The following PIK3CB variants were observed in gnomAD, a reference collection of about 807,000 sequenced individuals.
PIK3CB encodes the protein phosphatidylinositol 4,5-bisphosphate 3-kinase catalytic subunit beta isoform.
In PIK3CB, 39 loss-of-function variants were observed where a neutral mutation model predicts 136.8. The ratio of observed to expected loss-of-function variants is 0.29; its 90% CI spans 0.22 to 0.37. PIK3CB has a LOEUF of 0.37. PIK3CB is among the 10% of genes least tolerant of loss of function. The pLI, the probability that PIK3CB is intolerant of heterozygous loss-of-function variation, is 1.00. For synonymous variants in PIK3CB, 428 were observed against 436.6 expected (o/e 0.98, Z 0.25); for missense variants, 868 against 1,275.4 (o/e 0.68, Z 4.87).
intron 1 of PIK3CB, among the ~76,000 whole-genome samples, chr3:138,814,756 T>A (rs1480842350): frequency 6.6e-6 from 1 of 151,944 alleles, no homozygotes; most frequent in Non-Finnish European, 1.5e-5. Flanking sequence ...AATCCCAGCA[T>A]TTTGGGAGGC....
chr3:138,738,553 G>A (rs574820021), intron 5 of PIK3CB, among the ~76,000 whole-genome samples: 63 of 111,022 alleles, frequency 5.7e-4, no homozygotes, highest in Non-Finnish European at 1.0e-3. Context: ...TACTTTATAC[G>A]AATTAAACCA....
At chr3:138,811,432 CTTTT>C (rs1209224609) in intron 1 of PIK3CB, among the ~76,000 whole-genome samples, 1 of 141,652 alleles carries the variant, frequency 7.1e-6, no homozygotes, top group Non-Finnish European at 1.5e-5. Context: ...AGAAAATTAC[CTTTT>C]TTTTTTTTTG....
chr3:138,825,657 A>T (rs1274816267), intron 1 of PIK3CB: 1 of 641,648 alleles, frequency 1.6e-6, no homozygotes, highest in Non-Finnish European at 2.9e-6. Context: ...TCCTACCACT[A>T]ACTCATCCAA....
At chr3:138,792,156 T>C (rs952263539) in intron 2 of PIK3CB, among the ~76,000 whole-genome samples, 3 of 151,950 alleles carry the variant, frequency 2.0e-5, no homozygotes, top group Admixed American at 1.3e-4. Flanking sequence ...GATCGCGCCA[T>C]TGCACTCCAG....
At chr3:138,693,246 T>C (rs994958921) in intron 14 of PIK3CB, among the ~76,000 whole-genome samples, 3 of 151,598 alleles carry the variant, frequency 2.0e-5, no homozygotes, top group Non-Finnish European at 4.4e-5. Context: ...GGTGCGCACC[T>C]CCACGCCCAG....
At chr3:138,684,422 T>C (rs1004661181) in intron 17 of PIK3CB, among the ~76,000 whole-genome samples, 1 of 152,258 alleles carries the variant, frequency 6.6e-6, no homozygotes, top group Non-Finnish European at 1.5e-5. Flanking sequence ...TTGTAATAAC[T>C]TTCACTAAAT....
intron 2 of PIK3CB, among the ~76,000 whole-genome samples, chr3:138,791,360 C>T (rs772068859): frequency 3.3e-5 from 5 of 152,222 alleles, no homozygotes; most frequent in Non-Finnish European, 4.4e-5. Context: ...CCAGACTGGT[C>T]TCTAACTCAA....
chr3:138,661,439 C>T (rs2043294146), intron 21 of PIK3CB, among the ~76,000 whole-genome samples: 1 of 152,196 alleles, frequency 6.6e-6, no homozygotes. Flanking sequence ...ACTTCTCTAT[C>T]TCACTTTCTA....
intron 1 of PIK3CB, among the ~76,000 whole-genome samples, chr3:138,824,169 T>G (rs556663951): frequency 6.6e-6 from 1 of 152,328 alleles, no homozygotes; most frequent in African/African-American, 2.4e-5. Context: ...ACAAAGCCTT[T>G]GGATTACCCA....
At chr3:138,688,813 T>C (rs748009122) in intron 16 of PIK3CB, 62 bp downstream of exon 16, 58 of 972,072 alleles carry the variant, frequency 6.0e-5, no homozygotes, top group Non-Finnish European at 9.3e-5. Flanking sequence ...CAAGCTGATA[T>C]TCATGCTTTA....
intron 14 of PIK3CB, among the ~76,000 whole-genome samples, chr3:138,692,730 T>C (rs1171674208): frequency 2.6e-5 from 4 of 152,152 alleles, no homozygotes; most frequent in Non-Finnish European, 4.4e-5. Flanking sequence ...GAAAAAAGGA[T>C]CATAGTATCC....
intron 2 of PIK3CB, among the ~76,000 whole-genome samples, chr3:138,774,985 G>A (rs756821379): frequency 3.3e-5 from 5 of 152,178 alleles, no homozygotes; most frequent in Non-Finnish European, 5.9e-5. Context: ...TCATTTGTTT[G>A]TCTGTTTTAA....
At position 138,688,874 on chromosome 3, in the gene PIK3CB, C is replaced by T. The variant is rs776531778; in HGVS notation, c.2136+1G>A. 4 of 1,595,036 alleles carry T rather than the reference C, an allele frequency of 2.5e-6. No individual in the cohort carries two copies. Among genetic ancestry groups the T allele is most frequent in the Non-Finnish European group, 3.4e-6 (4 of 1,162,964 alleles). ...AATGAATAAATAAAACAAGCTGATA[C>T]CTGCTTAGAAAGCACTTTCATGTGC... is the stretch of plus-strand genomic sequence containing the variant. On this transcript the variant is annotated splice_donor_variant, in intron 16 of 23. Coordinates refer to ENST00000674063, the MANE Select transcript of PIK3CB (RefSeq NM_006219.3). LOFTEE classifies it high-confidence loss of function.
intron 1 of PIK3CB, among the ~76,000 whole-genome samples, chr3:138,833,104 T>C (rs1390473970): frequency 6.7e-6 from 1 of 149,920 alleles, no homozygotes; most frequent in Non-Finnish European, 1.5e-5. Context: ...TATCCCTCTG[T>C]TGCCCAGGCT....
At chr3:138,801,304 A>G (rs1416035808) in intron 1 of PIK3CB, among the ~76,000 whole-genome samples, 2 of 152,216 alleles carry the variant, frequency 1.3e-5, no homozygotes, top group African/African-American at 2.4e-5. Flanking sequence ...TTTGTATCAA[A>G]TATCAGAGCC....
In PIK3CB at chr3:138,665,219, T is replaced by C. The variant is rs1458375420; in HGVS notation, c.2505-16A>G. 6.4e-7 allele frequency: 1 copy of C among 1,562,614 alleles called. No individual in the cohort carries two copies. Among genetic ancestry groups the C allele is most frequent in the Non-Finnish European group, 8.7e-7 (1 of 1,148,542 alleles). ...AGGCAACATCCTGGAAGGAAAAAAA[T>C]GGGCATAGAGTCATATTTTCCTTAA... On this transcript the variant is annotated splice_polypyrimidine_tract_variant and intron_variant, in intron 19 of 23. Coordinates refer to ENST00000674063, the MANE Select transcript of PIK3CB (RefSeq NM_006219.3).
intron 2 of PIK3CB, among the ~76,000 whole-genome samples, chr3:138,769,263 A>G (rs1313886994): frequency 6.6e-6 from 1 of 151,088 alleles, no homozygotes; most frequent in Non-Finnish European, 1.5e-5. Flanking sequence ...CAGAGTCTCC[A>G]TAATTTATCC....
At chr3:138,756,411 G>A (rs1666736411) in intron 3 of PIK3CB, among the ~76,000 whole-genome samples, 1 of 151,968 alleles carries the variant, frequency 6.6e-6, no homozygotes, top group Non-Finnish European at 1.5e-5. Flanking sequence ...AGAAACTACT[G>A]ATCAGGAGTA....
chr3:138,716,486 C>T (rs2044608781), intron 8 of PIK3CB, among the ~76,000 whole-genome samples: 1 of 152,192 alleles, frequency 6.6e-6, no homozygotes, highest in Non-Finnish European at 1.5e-5. Context: ...CTCCTACTTT[C>T]AATTCATCAT....
Sources: allele counts gnomAD v4.1 joint callset (sites outside exome capture counted in the v4.1 genomes callset), GRCh38; gene constraint gnomAD v4.1.1; transcripts MANE v1.5; gene names NCBI Gene and HGNC (gene_info 2026-07-23, HGNC 2026-07-21).